Variants in PTGFR observed in about 807,000 individuals in gnomAD.
PTGFR encodes prostaglandin F2-alpha receptor.
A neutral mutation model predicts 26.2 loss-of-function variants in PTGFR; 15 were observed. The ratio of observed to expected loss-of-function variants is 0.57; its 90% CI spans 0.38 to 0.88. PTGFR has a LOEUF of 0.88. Among genes scored for constraint, PTGFR ranks in the 40% least tolerant of loss-of-function variants. The pLI, the probability that PTGFR is intolerant of heterozygous loss-of-function variation, is 0.00. For missense variants in PTGFR, 369 were observed against 427.2 expected, an observed-to-expected ratio of 0.86 and a Z score of 1.20; for synonymous variants, 165 against 151.1, an observed-to-expected ratio of 1.09 and a Z score of -0.68.
intron 2 of PTGFR, among the ~76,000 whole-genome samples, chr1:78,493,904 G>C (rs1649479492): frequency 6.6e-6 from 1 of 152,224 alleles, no homozygotes; most frequent in African/African-American, 2.4e-5. Flanking sequence ...TTGATAGAAA[G>C]TCACATGAAC....
chr1:78,498,624 T>C (rs971645877), intron 2 of PTGFR, among the ~76,000 whole-genome samples: 1 of 152,140 alleles, frequency 6.6e-6, no homozygotes, highest in Non-Finnish European at 1.5e-5. Flanking sequence ...TTGGGTGATA[T>C]TAGAAGCCTA....
intron 2 of PTGFR, among the ~76,000 whole-genome samples, chr1:78,520,012 G>A (rs1339137147): frequency 6.6e-6 from 1 of 151,902 alleles, no homozygotes; most frequent in Non-Finnish European, 1.5e-5. Context: ...TGTAGTAAAT[G>A]TCATTTCAGG....
At chr1:78,529,876 A>G (rs1408299239) in intron 2 of PTGFR, among the ~76,000 whole-genome samples, 1 of 152,120 alleles carries the variant, frequency 6.6e-6, no homozygotes, top group Non-Finnish European at 1.5e-5. Context: ...TCATAGGAGC[A>G]CAAACCCTAC....
At chr1:78,520,873 C>G (rs1650205612) in intron 2 of PTGFR, among the ~76,000 whole-genome samples, 1 of 152,064 alleles carries the variant, frequency 6.6e-6, no homozygotes, top group Non-Finnish European at 1.5e-5. Context: ...GTGTGAGAAT[C>G]AAGTTCCATG....
At chr1:78,517,426 G>A (rs568953663) in intron 2 of PTGFR, among the ~76,000 whole-genome samples, 2 of 152,224 alleles carry the variant, frequency 1.3e-5, no homozygotes, top group East Asian at 3.9e-4. Flanking sequence ...TGATTTTAAA[G>A]ATTGATAAGT....
Position 78,493,119 on chromosome 1 carries a change from G to A in PTGFR, c.376G>A (p.Gly126Ser), listed in dbSNP as rs1480890997. 1 of 1,614,198 alleles carries A rather than the reference G, an allele frequency of 6.2e-7. No homozygotes were observed. Among genetic ancestry groups the A allele is most frequent in the Admixed American group, 1.7e-5 (1 of 60,032 alleles). ...TTCTGGTCTGTGCCCACTTCTTCTA[G>A]GCAGTGTGATGGCCATTGAGCGGTG... The part of the protein sequence containing the change: ...VFSGLCPLLL[G>S]SVMAIERCIG... Residue 126 changes from glycine (G) to serine (S), a missense_variant, in exon 2 of 3, where the codon GGC (glycine) becomes AGC (serine). By Grantham distance (56) the Gly-to-Ser change is moderately conservative. Transcript: ENST00000370757.
intron 2 of PTGFR, among the ~76,000 whole-genome samples, chr1:78,523,060 A>G (rs1000079200): frequency 6.6e-6 from 1 of 152,102 alleles, no homozygotes; most frequent in Non-Finnish European, 1.5e-5. Flanking sequence ...AGGTGACATC[A>G]TTTTAATGGC....
rs367616372 is a variant in PTGFR, at chr1:78,531,249, A to T, written c.799-5157A>T. ...GAACTAACAACCTATTGTGCAGAGG[A>T]TGCAGGGATGGCAGAGCTTCTTTAA... On this transcript the variant is annotated intron_variant, in intron 2 of 2. Coordinates refer to ENST00000370757, the MANE Select transcript of PTGFR (RefSeq NM_000959.4). 9.9e-5 allele frequency among the ~76,000 whole-genome samples: 15 copies of T among 152,188 alleles called. No homozygotes were observed. The East Asian group carries it at 1.3e-3, about 14-fold the overall frequency.
At chr1:78,505,207 C>G (rs957742175) in intron 2 of PTGFR, among the ~76,000 whole-genome samples, 4 of 149,528 alleles carry the variant, frequency 2.7e-5, no homozygotes, top group East Asian at 2.0e-4. Flanking sequence ...ACTGCAACCT[C>G]CACTTCCCAG....
intron 2 of PTGFR, among the ~76,000 whole-genome samples, chr1:78,508,964 A>G (rs1460451015): frequency 2.6e-5 from 4 of 152,172 alleles, no homozygotes. Context: ...GGTATAGTCT[A>G]AGGAACTTTT....
At chr1:78,527,959 G>A (rs1455072396) in intron 2 of PTGFR, among the ~76,000 whole-genome samples, 1 of 152,036 alleles carries the variant, frequency 6.6e-6, no homozygotes, top group Non-Finnish European at 1.5e-5. Flanking sequence ...ATAAGCTTCC[G>A]AAACAGTTGA....
At chr1:78,523,583 G>A (rs909346065) in intron 2 of PTGFR, among the ~76,000 whole-genome samples, 1 of 133,918 alleles carries the variant, frequency 7.5e-6, no homozygotes, top group Non-Finnish European at 1.7e-5. Flanking sequence ...AGGGAGTCTG[G>A]CACAGGTAGG....
intron 2 of PTGFR, among the ~76,000 whole-genome samples, chr1:78,533,815 A>T (rs1172553300): frequency 6.6e-6 from 1 of 152,186 alleles, no homozygotes; most frequent in Non-Finnish European, 1.5e-5. Flanking sequence ...TGAGTAAAGT[A>T]GCCTGGCAGA....
intron 2 of PTGFR, among the ~76,000 whole-genome samples, chr1:78,498,683 C>T (rs1349840160): frequency 6.6e-6 from 1 of 151,998 alleles, no homozygotes; most frequent in Non-Finnish European, 1.5e-5. Context: ...GTACATGTAT[C>T]CCCTGACTCT....
chr1:78,536,534 G>A lies in PTGFR; in HGVS notation c.927G>A (p.Lys309=). 1 of 1,613,368 alleles carries A rather than the reference G, an allele frequency of 6.2e-7. No homozygotes were observed. The highest frequency in any genetic ancestry group is 8.5e-7 in the Non-Finnish European group (1 of 1,179,518). Residue 309 remains lysine, a synonymous_variant, in exon 3 of 3, where the codon AAG becomes AAA. Coordinates refer to ENST00000370757, the MANE Select transcript of PTGFR (RefSeq NM_000959.4). ...CTTGGGTATATATTCTTCTACGAAAGGCTGTCCTTAAGAATCTCTATAAGC... is the reference window on the plus strand; with the variant it reads ...CTTGGGTATATATTCTTCTACGAAAAGCTGTCCTTAAGAATCTCTATAAGC... ...LDPWVYILLR[K]AVLKNLYKLA...
rs1236999393 is a variant in PTGFR at position 78,539,641 on chromosome 1, GAT to G, written c.*2957_*2958del. The G allele has an allele frequency of 6.6e-6, 1 of 152,434 alleles. No homozygotes were observed. The allele number at this position is 152,434 out of a possible 1,614,324, so 9.4% of individuals were successfully genotyped here. On this transcript the variant is annotated 3_prime_UTR_variant, in exon 3 of 3. Transcript: ENST00000370757. ...TTGGATTGTATAGAGATTAAATAGTGATATGTATATTTTGTTGTTTGCTTTGG... is the reference window on the plus strand; with the variant it reads ...TTGGATTGTATAGAGATTAAATAGTGATGTATATTTTGTTGTTTGCTTTGG...
Position 78,493,104 on chromosome 1 carries a change from T to C in PTGFR, c.361T>C (p.Cys121Arg). The C allele has an allele frequency of 1.2e-6, 2 of 1,614,266 alleles. No homozygotes were observed. The highest frequency in any genetic ancestry group is 2.2e-5 in the South Asian group (2 of 91,092). The change falls in exon 2 of 3, where the codon TGC becomes CGC. Residue 121 changes from cysteine (C) to arginine (R), a missense_variant. Cys to Arg is a radical substitution (Grantham distance 180, BLOSUM62 -3). Coordinates refer to ENST00000370757, the MANE Select transcript of PTGFR (RefSeq NM_000959.4). Reference sequence around the variant, plus strand: ...TATCTGCATGGTGTTTTCTGGTCTGTGCCCACTTCTTCTAGGCAGTGTGAT... The same window carrying C: ...TATCTGCATGGTGTTTTCTGGTCTGCGCCCACTTCTTCTAGGCAGTGTGAT... Reference protein sequence around the residue: ...FGICMVFSGLCPLLLGSVMAI... With the variant: ...FGICMVFSGLRPLLLGSVMAI...
intron 2 of PTGFR, among the ~76,000 whole-genome samples, chr1:78,512,088 G>A (rs1649984485): frequency 6.6e-6 from 1 of 152,034 alleles, no homozygotes; most frequent in Non-Finnish European, 1.5e-5. Flanking sequence ...ATTTCCATTA[G>A]GTTGTGATTT....
At position 78,493,357 on chromosome 1, in the gene PTGFR, T is replaced by C; in HGVS notation, c.614T>C (p.Phe205Ser). Residue 205 changes from phenylalanine to serine, a missense_variant, in exon 2 of 3, where the codon TTT becomes TCT. Transcript: ENST00000370757. ...GAAGATAGATTTTATCTTCTACTTT[T>C]TTCTTTTCTGGGGCTCTTAGCCCTT... ...DWEDRFYLLLFSFLGLLALGV... is the reference protein window; with the variant it reads ...DWEDRFYLLLSSFLGLLALGV... The C allele has an allele frequency of 1.2e-6, 2 of 1,614,088 alleles. No individual in the cohort carries two copies. Among genetic ancestry groups the C allele is most frequent in the Non-Finnish European group, 1.7e-6 (2 of 1,179,998 alleles).
Sources: gnomAD v4.1 joint callset for allele counts (sites outside exome capture counted in the v4.1 genomes callset) on GRCh38, gnomAD v4.1.1 for gene constraint, MANE v1.5 for transcripts, NCBI Gene and HGNC (gene_info 2026-07-23, HGNC 2026-07-21) for gene names.